Variants in ARHGEF12 observed in about 807,000 individuals in gnomAD.
The protein encoded by ARHGEF12 is Rho guanine nucleotide exchange factor 12, also known as KMT2A/ARHGEF12 fusion protein.
A neutral mutation model predicts 211.2 loss-of-function variants in ARHGEF12; 66 were observed. That is an observed-to-expected ratio of 0.31 (90% CI 0.26 to 0.38). The LOEUF (loss-of-function observed/expected upper bound fraction) is 0.38. ARHGEF12 is among the 10% of genes least tolerant of loss of function. The probability of loss-of-function intolerance (pLI) is 1.00; values close to 1 mark genes in which losing one functional copy is unlikely to be tolerated. For synonymous variants in ARHGEF12, 592 were observed against 638.4 expected, an observed-to-expected ratio of 0.93 and a Z score of 1.09; for missense variants, 1,429 against 1,869.5, an observed-to-expected ratio of 0.76 and a Z score of 4.34.
At chr11:120,456,354 T>TAGA (rs1946360256) in intron 22 of ARHGEF12, among the ~76,000 whole-genome samples, 1 of 152,146 alleles carries the variant, frequency 6.6e-6, no homozygotes, top group Admixed American at 6.5e-5. Flanking sequence ...AACAAAAACA[T>TAGA]AGACATGTCA....
At chr11:120,373,487 C>G (rs1272384789) in intron 1 of ARHGEF12, among the ~76,000 whole-genome samples, 1 of 152,130 alleles carries the variant, frequency 6.6e-6, no homozygotes, top group Non-Finnish European at 1.5e-5. Context: ...TTCCCAACAC[C>G]TAGAACAGTG....
At chr11:120,476,799 A>C (rs1172319962) in intron 34 of ARHGEF12, 51 bp downstream of exon 34, 1 of 1,398,274 alleles carries the variant, frequency 7.2e-7, no homozygotes, top group East Asian at 2.3e-5. Flanking sequence ...TCATTATCCC[A>C]AGCGTAATAT....
At chr11:120,477,383 G>A in intron 35 of ARHGEF12, 64 bp from the exon 36 acceptor site, 1 of 1,575,548 alleles carries the variant, frequency 6.3e-7, no homozygotes, top group Non-Finnish European at 8.7e-7. Flanking sequence ...ATTATGTTTT[G>A]TTGCGATGAT....
rs531561734 is a variant in ARHGEF12 at position 120,484,651 on chromosome 11, T to C, written c.4624+144T>C. On this transcript the variant is annotated intron_variant, in intron 40 of 40. Coordinates refer to ENST00000397843, the MANE Select transcript of ARHGEF12 (RefSeq NM_015313.3). ...ACTGCCTGTTTCTAAACATCAGATA[T>C]CAAGCGGAAGCTCATGCCTGCTGAC... The C allele has an allele frequency of 7.1e-5, 54 of 762,722 alleles. No homozygotes were observed. In the African/African-American group the frequency reaches 7.9e-4, roughly 11 times the overall value. 47.2% of individuals were successfully genotyped at this position (762,722 alleles called of 1,614,324 possible). A position where few individuals can be genotyped will look rare whatever the true frequency, so the allele number is the denominator to read the frequency against.
chr11:120,372,526 T>G (rs1170791370), intron 1 of ARHGEF12, among the ~76,000 whole-genome samples: 1 of 152,206 alleles, frequency 6.6e-6, no homozygotes, highest in Non-Finnish European at 1.5e-5. Context: ...AATGCAGTTC[T>G]GCTCTCAAAT....
chr11:120,344,731 G>A (rs1458003372), intron 1 of ARHGEF12, among the ~76,000 whole-genome samples: 1 of 152,188 alleles, frequency 6.6e-6, no homozygotes, highest in Non-Finnish European at 1.5e-5. Context: ...TACTTCTCAG[G>A]TGATATGAGA....
chr11:120,449,471 C>A, intron 21 of ARHGEF12: 1 of 359,038 alleles, frequency 2.8e-6, no homozygotes, highest in Non-Finnish European at 5.1e-6. Context: ...GAGGCTGAGG[C>A]AGGCGGATCA....
At chr11:120,451,806 TAATC>T in intron 22 of ARHGEF12, 82 bp downstream of exon 22, 3 of 1,243,268 alleles carry the variant, frequency 2.4e-6, no homozygotes, top group Non-Finnish European at 3.4e-6. Context: ...AGTGGCAAGT[TAATC>T]AAGACTAAAT....
intron 7 of ARHGEF12, among the ~76,000 whole-genome samples, chr11:120,426,464 C>T (rs1380251709): frequency 6.6e-6 from 1 of 152,174 alleles, no homozygotes; most frequent in Non-Finnish European, 1.5e-5. Context: ...AGAGTTCCTG[C>T]ATGTCCTACT....
chr11:120,406,011 C>A lies in ARHGEF12; in HGVS notation c.33-107C>A, dbSNP rs1944692705. 4 of 812,162 alleles carry A rather than the reference C, an allele frequency of 4.9e-6. No individual in the cohort carries two copies. In the East Asian group the frequency reaches 1.2e-4, roughly 24 times the overall value. 50.3% of individuals were successfully genotyped at this position (812,162 alleles called of 1,614,324 possible). The stretch of plus-strand genomic sequence containing the variant: ...ATTGATTCTTGCTATTGGAAAGTTA[C>A]CATAAGATTTAAATCTCTTATTCTG... On this transcript the variant is annotated intron_variant, in intron 1 of 40. Transcript: ENST00000397843.
chr11:120,465,402 G>GT, intron 28 of ARHGEF12, 40 bp downstream of exon 28: 2 of 1,609,558 alleles, frequency 1.2e-6, no homozygotes, highest in Non-Finnish European at 1.7e-6. Context: ...AATAAGGCAA[G>GT]TTTTTATCAA....
chr11:120,351,624 C>G (rs1176305492), intron 1 of ARHGEF12, among the ~76,000 whole-genome samples: 1 of 150,944 alleles, frequency 6.6e-6, no homozygotes, highest in African/African-American at 2.4e-5. Flanking sequence ...GCACCCGCCA[C>G]CACGCCCGTC....
chr11:120,375,558 T>TG (rs904602272), intron 1 of ARHGEF12, among the ~76,000 whole-genome samples: 108 of 151,844 alleles, frequency 7.1e-4, no homozygotes, highest in Non-Finnish European at 1.4e-3. Flanking sequence ...GCCTTTTTTT[T>TG]TTTTTTTAAA....
chr11:120,345,575 T>C (rs1040454549), intron 1 of ARHGEF12, among the ~76,000 whole-genome samples: 2 of 151,796 alleles, frequency 1.3e-5, no homozygotes, highest in African/African-American at 4.8e-5. Context: ...TGGTGGCGGG[T>C]GCCTGTAGTC....
At chr11:120,440,095 A>T in intron 12 of ARHGEF12, 34 bp from the exon 13 acceptor site, 1 of 1,489,570 alleles carries the variant, frequency 6.7e-7, no homozygotes, top group South Asian at 1.2e-5. Flanking sequence ...ACCACCAGGT[A>T]ATTTTTCTGT....
At position 120,449,248 on chromosome 11, in the gene ARHGEF12, A is replaced by T. The variant is rs757450872; in HGVS notation, c.1843+34A>T. On this transcript the variant is annotated intron_variant, in intron 21 of 40. Coordinates refer to ENST00000397843, the MANE Select transcript of ARHGEF12 (RefSeq NM_015313.3). ...AAGTTTGAAGTGCTGCATTTTCAGT[A>T]CTCCAGGCCCTCTTCACATCAGAGG... is the stretch of plus-strand genomic sequence containing the variant. The T allele has an allele frequency of 1.7e-5, 26 of 1,547,118 alleles. No individual in the cohort carries two copies. The Admixed American group carries it at 2.0e-4, about 12-fold the overall frequency.
intron 1 of ARHGEF12, among the ~76,000 whole-genome samples, chr11:120,342,877 A>T (rs1942579731): frequency 6.6e-6 from 1 of 152,230 alleles, no homozygotes; most frequent in African/African-American, 2.4e-5. Context: ...CCTTTGATGG[A>T]AAATCATCTT....
rs1945664461 is a variant in ARHGEF12 at position 120,435,459 on chromosome 11, G to A, written c.925-1849G>A. Among the ~76,000 whole-genome samples the A allele has an allele frequency of 2.6e-5, 4 of 151,156 alleles. No individual in the cohort carries two copies. The South Asian group carries it at 8.4e-4, about 32-fold the overall frequency. On this transcript the variant is annotated intron_variant, in intron 11 of 40. Coordinates refer to ENST00000397843, the MANE Select transcript of ARHGEF12 (RefSeq NM_015313.3). ...TGTCTTACTGTGGTTGTAAGCTTAA[G>A]GTGTTTAGGTGATATCAACATGATT...
chr11:120,347,204 CTCTT>C (rs377096371), intron 1 of ARHGEF12, among the ~76,000 whole-genome samples: 3 of 60,410 alleles, frequency 5.0e-5, no homozygotes, highest in Non-Finnish European at 8.7e-5. Flanking sequence ...TTCTTTCTTT[CTCTT>C]TCTTTTTCTT....
Sources: gnomAD v4.1 joint callset for allele counts (sites outside exome capture counted in the v4.1 genomes callset) on GRCh38, gnomAD v4.1.1 for gene constraint, MANE v1.5 for transcripts, NCBI Gene and HGNC (gene_info 2026-07-23, HGNC 2026-07-21) for gene names.